The following SPTA1 variants were observed in gnomAD, a reference collection of about 807,000 sequenced individuals.
SPTA1 encodes the protein spectrin alpha chain, erythrocytic 1.
Under a neutral mutation model 324.7 loss-of-function variants are expected in SPTA1, and 177 were observed. The ratio of observed to expected loss-of-function variants is 0.55; its 90% confidence interval spans 0.48 to 0.62. SPTA1 has a LOEUF of 0.62. Ranked by LOEUF, SPTA1 falls within the 20% of genes least tolerant of loss-of-function variation. The pLI is 0.00. For missense variants in SPTA1, 3,162 were observed against 2,883.6 expected (o/e 1.10, Z -2.21); for synonymous variants, 1,195 against 1,041.3 (o/e 1.15, Z -2.84).
In SPTA1 at chr1:158,652,553, A is replaced by G. The variant is rs1652528881; in HGVS notation, c.3289T>C (p.Trp1097Arg). 1 of 1,613,992 alleles carries G rather than the reference A, an allele frequency of 6.2e-7. No homozygotes were observed. The highest frequency in any genetic ancestry group is 1.1e-5 in the South Asian group (1 of 91,086). ...TTTTCTGCCTTTTTCTCTTGAATCC[A>G]TTCCAGCATGTCTCCTGCCTCATAG... ...LAYEAGDMLE[W>R]IQEKKAENTG... The change falls in exon 23 of 52, where the codon TGG (tryptophan) becomes CGG (arginine). Residue 1097 changes from tryptophan (W) to arginine (R), a missense_variant. Coordinates refer to ENST00000643759, the MANE Select transcript of SPTA1 (RefSeq NM_003126.4).
Position 158,627,009 on chromosome 1 carries a change from T to C in SPTA1, c.5665-2A>G, listed in dbSNP as rs753042073. On this transcript the variant is annotated splice_acceptor_variant, in intron 40 of 51. Coordinates refer to ENST00000643759, the MANE Select transcript of SPTA1 (RefSeq NM_003126.4). LOFTEE classifies it high-confidence loss of function. ...GTTCTGACTTTCCTCCTGCAACACC[T>C]GTGAGAAGGGGAGAGACAAATATAT... is the stretch of plus-strand genomic sequence containing the variant. 8 of 1,613,548 alleles carry C rather than the reference T, an allele frequency of 5.0e-6. No homozygotes were observed. Among genetic ancestry groups the C allele is most frequent in the Non-Finnish European group, 6.8e-6 (8 of 1,179,682 alleles).
intron 8 of SPTA1, among the ~76,000 whole-genome samples, chr1:158,675,491 T>C (rs1654330870): frequency 6.6e-6 from 1 of 152,124 alleles, no homozygotes; most frequent in South Asian, 2.1e-4. Flanking sequence ...GGAGTCTCCC[T>C]TTATTTGTGG....
chr1:158,654,151 A>G (rs1652661677), intron 21 of SPTA1, among the ~76,000 whole-genome samples: 1 of 152,208 alleles, frequency 6.6e-6, no homozygotes, highest in African/African-American at 2.4e-5. Flanking sequence ...ATCTCAACCA[A>G]TATTTTATCA....
At chr1:158,645,468 C>T (rs375903868) in intron 28 of SPTA1, 27 bp downstream of exon 28, 5 of 1,613,788 alleles carry the variant, frequency 3.1e-6, no homozygotes, top group Non-Finnish European at 4.2e-6. Flanking sequence ...GTCAAGTGAT[C>T]AGTGGCTGTG....
chr1:158,641,062 G>T (rs1651524931), intron 33 of SPTA1, among the ~76,000 whole-genome samples: 1 of 152,122 alleles, frequency 6.6e-6, no homozygotes, highest in Non-Finnish European at 1.5e-5. Flanking sequence ...ATGGGGAAAG[G>T]ATTCCCTATT....
intron 16 of SPTA1, among the ~76,000 whole-genome samples, chr1:158,666,076 T>G (rs1024114568): frequency 3.3e-5 from 5 of 152,128 alleles, no homozygotes; most frequent in Admixed American, 1.3e-4. Flanking sequence ...GTTGGTTTAC[T>G]AAAAATTTCG....
chr1:158,626,019 AT>A, intron 42 of SPTA1, 126 bp downstream of exon 42: 1 of 739,452 alleles, frequency 1.4e-6, no homozygotes, highest in South Asian at 1.8e-5. Context: ...AATTATTAAT[AT>A]TAAGAAGGGA....
In SPTA1 at chr1:158,620,184, A is replaced by G. The variant is rs1649815682; in HGVS notation, c.6403T>C (p.Ser2135Pro). 1 of 1,614,176 alleles carries G rather than the reference A, an allele frequency of 6.2e-7. No homozygotes were observed. Among genetic ancestry groups the G allele is most frequent in the African/African-American group, 1.3e-5 (1 of 75,050 alleles). Reference sequence around the variant, plus strand: ...TTCCAGGTTACCTCAATGATGTCAGATAGGTGCTTCCAGGTCCTTTCCAGC... The same window carrying G: ...TTCCAGGTTACCTCAATGATGTCAGGTAGGTGCTTCCAGGTCCTTTCCAGC... ...EVLERTWKHL[S>P]DIIEEREQEL... The change falls in exon 44 of 52, where the codon TCT becomes CCT. Residue 2135 changes from serine (S) to proline (P), a missense_variant. Coordinates refer to ENST00000643759, the MANE Select transcript of SPTA1 (RefSeq NM_003126.4).
intron 48 of SPTA1, 111 bp downstream of exon 48, chr1:158,615,105 T>C: frequency 8.3e-7 from 1 of 1,210,840 alleles, no homozygotes; most frequent in South Asian, 1.3e-5. Context: ...AGAATATTGG[T>C]TCTCTGAAGC....
chr1:158,636,872 A>C, intron 36 of SPTA1, 111 bp from the exon 37 acceptor site: 4 of 1,584,960 alleles, frequency 2.5e-6, no homozygotes, highest in Non-Finnish European at 3.4e-6. Context: ...AGGTGGTTGT[A>C]AATTCTGTAA....
At chr1:158,637,999 A>T (rs1232037979) in intron 36 of SPTA1, 34 bp downstream of exon 36, 3 of 1,607,936 alleles carry the variant, frequency 1.9e-6, no homozygotes, top group Non-Finnish European at 2.6e-6. Context: ...ACTCGCTTGT[A>T]TTATCCACAC....
rs1262251264 is a variant in SPTA1 at position 158,644,606 on chromosome 1, T to C, written c.4195-210A>G. 2.6e-5 allele frequency among the ~76,000 whole-genome samples: 4 copies of C among 152,346 alleles called. No homozygotes were observed. In the East Asian group the frequency reaches 7.7e-4, roughly 29 times the overall value. ...ATGTTTCTGTATATGCTACCTCCAATTCCTGGGGTGCTATTTCCTATTTCT... is the reference window on the plus strand; with the variant it reads ...ATGTTTCTGTATATGCTACCTCCAACTCCTGGGGTGCTATTTCCTATTTCT... On this transcript the variant is annotated intron_variant, in intron 29 of 51. Coordinates refer to ENST00000643759, the MANE Select transcript of SPTA1 (RefSeq NM_003126.4).
Position 158,644,318 on chromosome 1 carries a change from A to C in SPTA1, c.4273T>G (p.Ser1425Ala). 6.2e-7 allele frequency: 1 copy of C among 1,613,906 alleles called. No individual in the cohort carries two copies. The highest frequency in any genetic ancestry group is 1.1e-5 in the South Asian group (1 of 91,086). The stretch of plus-strand genomic sequence containing the variant: ...ATCAAAGCCTCCAGACTGTCTAAGG[A>C]ACTTTTGTCATCTGACCTCAGGGAA... ...ENSLRSDDKS[S>A]LDSLEALMKK... is the part of the protein sequence containing the mutation. The change falls in exon 30 of 52, where the codon TCC becomes GCC. Residue 1425 changes from serine to alanine, a missense_variant. Transcript: ENST00000643759.
intron 42 of SPTA1, among the ~76,000 whole-genome samples, chr1:158,623,933 G>A (rs1178271943): frequency 6.6e-6 from 1 of 152,192 alleles, no homozygotes. Context: ...TTGGTGCTCT[G>A]CATTCAGCTG....
chr1:158,652,608 T>C lies in SPTA1; in HGVS notation c.3234A>G (p.Leu1078=), dbSNP rs1333627368. 1 of 1,613,988 alleles carries C rather than the reference T, an allele frequency of 6.2e-7. No individual in the cohort carries two copies. The highest frequency in any genetic ancestry group is 8.5e-7 in the Non-Finnish European group (1 of 1,179,988). Residue 1078 remains leucine, a synonymous_variant, in exon 23 of 52, where the codon CTA becomes CTG. Transcript: ENST00000643759. ...ATAAAAATTCATTATAACGTTGCAATAGACGACGTCTGCGTTCTTCTGCCC... is the reference window on the plus strand; with the variant it reads ...ATAAAAATTCATTATAACGTTGCAACAGACGACGTCTGCGTTCTTCTGCCC... ...LDRAEERRRR[L]LQRYNEFLLA... is the part of the protein sequence containing the mutation.
Position 158,666,328 on chromosome 1 carries a change from C to T in SPTA1, c.2208G>A (p.Val736=), listed in dbSNP as rs756109492. The part of the protein sequence containing the change: ...LRKHGLLESA[V]AARQDQVDIL... Reference sequence around the variant, plus strand: ...GCTAACAACAAACCTGACGAGCAGCCACAGCCGACTCCAGGAGGCCGTGTT... The same window carrying T: ...GCTAACAACAAACCTGACGAGCAGCTACAGCCGACTCCAGGAGGCCGTGTT... The change falls in exon 16 of 52, where the codon GTG becomes GTA. Residue 736 remains valine, a synonymous_variant. Transcript: ENST00000643759. The T allele has an allele frequency of 6.2e-7, 1 of 1,613,738 alleles. No individual in the cohort carries two copies. The highest frequency in any genetic ancestry group is 8.5e-7 in the Non-Finnish European group (1 of 1,179,960).
chr1:158,680,255 G>A (rs1270475262), intron 5 of SPTA1, among the ~76,000 whole-genome samples: 2 of 152,028 alleles, frequency 1.3e-5, no homozygotes, highest in East Asian at 3.9e-4. Context: ...AAGAAAGAGT[G>A]CCCCATTAAC....
At position 158,656,805 on chromosome 1, in the gene SPTA1, C is replaced by T. The variant is rs188834378; in HGVS notation, c.2806-149G>A. 5.9e-6 allele frequency: 4 copies of T among 683,174 alleles called. No individual in the cohort carries two copies. In the African/African-American group the frequency reaches 7.2e-5, roughly 12 times the overall value. The allele number at this position is 683,174 out of a possible 1,614,324, so 42.3% of individuals were successfully genotyped here. A position where few individuals can be genotyped will look rare whatever the true frequency, so the allele number is the denominator to read the frequency against. On this transcript the variant is annotated intron_variant, in intron 19 of 51. Transcript: ENST00000643759. ...AAAGTTATTTTTAACCCTAAATTTG[C>T]AAGCATGAAGGAAATAGGAATTAAT... is the stretch of plus-strand genomic sequence containing the variant.
chr1:158,680,035 A>G (rs1654683673), intron 5 of SPTA1, among the ~76,000 whole-genome samples: 2 of 152,196 alleles, frequency 1.3e-5, no homozygotes, highest in Non-Finnish European at 2.9e-5. Context: ...ACATCTATAT[A>G]CTTACATATA....
Sources: allele counts gnomAD v4.1 joint callset (sites outside exome capture counted in the v4.1 genomes callset), GRCh38; gene constraint gnomAD v4.1.1; transcripts MANE v1.5; gene names NCBI Gene and HGNC (gene_info 2026-07-23, HGNC 2026-07-21).